The following SLCO1B1 variants were observed in gnomAD, a reference collection of about 807,000 sequenced individuals.
SLCO1B1 encodes the protein solute carrier organic anion transporter family member 1B1.
A neutral mutation model predicts 70.1 loss-of-function variants in SLCO1B1; 81 were observed. That is an observed-to-expected ratio of 1.16 (90% CI 0.97 to 1.39). The LOEUF (loss-of-function observed/expected upper bound fraction) is 1.39. SLCO1B1 is among the 40% of genes most tolerant of loss of function. The pLI is 0.00. For missense variants in SLCO1B1, 895 were observed against 799.6 expected (o/e 1.12, Z -1.44); for synonymous variants, 283 against 271.5 (o/e 1.04, Z -0.42).
intron 7 of SLCO1B1, among the ~76,000 whole-genome samples, chr12:21,192,123 TA>T (rs1285856116): frequency 6.6e-6 from 1 of 152,002 alleles, no homozygotes; most frequent in Non-Finnish European, 1.5e-5. Flanking sequence ...ATGCTGGCCT[TA>T]TAAAATTAGT....
intron 2 of SLCO1B1, among the ~76,000 whole-genome samples, chr12:21,155,895 T>C (rs1940537106): frequency 6.6e-6 from 1 of 152,190 alleles, no homozygotes; most frequent in South Asian, 2.1e-4. Flanking sequence ...GCTCAGCTGC[T>C]CTGATTCAGA....
chr12:21,167,213 T>A (rs1213751437), intron 2 of SLCO1B1, among the ~76,000 whole-genome samples: 1 of 152,214 alleles, frequency 6.6e-6, no homozygotes, highest in African/African-American at 2.4e-5. Context: ...GATTATATCA[T>A]AAGAAATCTT....
intron 7 of SLCO1B1, among the ~76,000 whole-genome samples, chr12:21,184,342 A>AT (rs1189347971): frequency 6.6e-6 from 1 of 152,066 alleles, no homozygotes; most frequent in Non-Finnish European, 1.5e-5. Context: ...ATATTTTAAG[A>AT]TTTTTTTGGG....
intron 10 of SLCO1B1, among the ~76,000 whole-genome samples, chr12:21,203,568 T>A (rs964077310): frequency 3.9e-5 from 6 of 152,086 alleles, no homozygotes; most frequent in Non-Finnish European, 8.8e-5. Flanking sequence ...TTTTAACTTG[T>A]CAAATATTCC....
rs75112265 is a variant in SLCO1B1, at chr12:21,183,998, G to C, written c.727+4978G>C. On this transcript the variant is annotated intron_variant, in intron 7 of 14. Coordinates refer to ENST00000256958, the MANE Select transcript of SLCO1B1 (RefSeq NM_006446.5). Reference sequence around the variant, plus strand: ...ATACCAAAGAGAGAAAAGAATCTCAGAGCTTAAAAACCAGTTTTTATAATC... The same window carrying C: ...ATACCAAAGAGAGAAAAGAATCTCACAGCTTAAAAACCAGTTTTTATAATC... 8.8e-4 allele frequency among the ~76,000 whole-genome samples: 134 copies of C among 151,574 alleles called. 4 individuals are homozygous for C. In the East Asian group the frequency reaches 0.025, roughly 28 times the overall value.
At chr12:21,146,756 C>G (rs1940388361) in intron 2 of SLCO1B1, among the ~76,000 whole-genome samples, 1 of 151,926 alleles carries the variant, frequency 6.6e-6, no homozygotes, top group Non-Finnish European at 1.5e-5. Flanking sequence ...AGTTATCTTT[C>G]TGTTATATTC....
chr12:21,207,197 T>C (rs1016378990), intron 11 of SLCO1B1, among the ~76,000 whole-genome samples: 3 of 151,994 alleles, frequency 2.0e-5, no homozygotes, highest in Non-Finnish European at 4.4e-5. Flanking sequence ...GATGGGTATA[T>C]TGTGATAAGC....
At chr12:21,213,441 G>T (rs913350500) in intron 11 of SLCO1B1, among the ~76,000 whole-genome samples, 13 of 151,284 alleles carry the variant, frequency 8.6e-5, no homozygotes, top group African/African-American at 3.2e-4. Context: ...TCCGCTGTTA[G>T]TCTGATGGGC....
chr12:21,234,352 T>C (rs1298775132), intron 14 of SLCO1B1, among the ~76,000 whole-genome samples: 1 of 152,156 alleles, frequency 6.6e-6, no homozygotes, highest in African/African-American at 2.4e-5. Flanking sequence ...GCTGTTATCC[T>C]CAGGAGCAAT....
At position 21,232,693 on chromosome 12, in the gene SLCO1B1, G is replaced by C. The variant is rs867622650; in HGVS notation, c.1866-6286G>C. On this transcript the variant is annotated intron_variant, in intron 14 of 14. Transcript: ENST00000256958. ...CTATTAATCAGACCACACACACACA[G>C]AGAGAGAGAGAGAGAGACAGAAAGA... Among the ~76,000 whole-genome samples, 89 of 133,806 alleles carry C rather than the reference G, an allele frequency of 6.7e-4. 1 individual carries two copies. The highest frequency in any genetic ancestry group is 7.3e-4 in the Non-Finnish European group (45 of 61,388). The allele number at this position is 133,806 out of a possible 152,430, so 87.8% of individuals were successfully genotyped here.
chr12:21,184,685 C>T (rs974092906), intron 7 of SLCO1B1, among the ~76,000 whole-genome samples: 2 of 152,064 alleles, frequency 1.3e-5, no homozygotes, highest in Admixed American at 1.3e-4. Context: ...AGCCCAGACA[C>T]ATAAAGCAAC....
intron 14 of SLCO1B1, among the ~76,000 whole-genome samples, chr12:21,233,567 C>A (rs1031573292): frequency 1.2e-4 from 14 of 116,614 alleles, no homozygotes; most frequent in Non-Finnish European, 1.4e-4. Context: ...AAAAAACAAA[C>A]AAACAAAAAA....
rs144844767 is a variant in SLCO1B1, at chr12:21,211,140, G to A, written c.1497+5107G>A. On this transcript the variant is annotated intron_variant, in intron 11 of 14. Transcript: ENST00000256958. Reference sequence around the variant, plus strand: ...GAGAGGGCATCCCTGTTTTGTGCCAGTTTTCAAACGGAATGCTTCCAGTTT... The same window carrying A: ...GAGAGGGCATCCCTGTTTTGTGCCAATTTTCAAACGGAATGCTTCCAGTTT... Among the ~76,000 whole-genome samples the A allele has an allele frequency of 3.5e-3, 531 of 152,322 alleles. 4 individuals carry two copies. Among genetic ancestry groups the A allele is most frequent in the African/African-American group, 0.012 (500 of 41,562 alleles).
intron 11 of SLCO1B1, among the ~76,000 whole-genome samples, chr12:21,212,009 C>T (rs1941293139): frequency 6.7e-6 from 1 of 149,744 alleles, no homozygotes; most frequent in Non-Finnish European, 1.5e-5. Context: ...TTTCAAAAAA[C>T]CAGCTCCTGG....
At chr12:21,215,679 T>G (rs778644106) in intron 11 of SLCO1B1, among the ~76,000 whole-genome samples, 1 of 152,132 alleles carries the variant, frequency 6.6e-6, no homozygotes, top group Non-Finnish European at 1.5e-5. Context: ...TGTTGTTGTT[T>G]TTGTGTCTTG....
At chr12:21,174,031 A>G (rs746245594) in intron 3 of SLCO1B1, among the ~76,000 whole-genome samples, 13 of 152,202 alleles carry the variant, frequency 8.5e-5, no homozygotes, top group Non-Finnish European at 1.2e-4. Context: ...TGCTGGGATT[A>G]CAGGTGTGAG....
intron 7 of SLCO1B1, among the ~76,000 whole-genome samples, chr12:21,193,894 T>C (rs28673691): frequency 0.01 from 1,582 of 152,114 alleles, 37 homozygotes; most frequent in South Asian, 0.039. Context: ...AGGTTCACAC[T>C]ATTCTCCTGT....
intron 1 of SLCO1B1, among the ~76,000 whole-genome samples, chr12:21,137,228 T>A (rs1257889420): frequency 1.3e-5 from 2 of 152,284 alleles, no homozygotes; most frequent in Middle Eastern, 3.4e-3. Flanking sequence ...GTGTGAGGTG[T>A]CAGTCCGCCC....
At chr12:21,165,197 G>A (rs1565670771) in intron 2 of SLCO1B1, among the ~76,000 whole-genome samples, 1 of 152,118 alleles carries the variant, frequency 6.6e-6, no homozygotes, top group Non-Finnish European at 1.5e-5. Context: ...GGCAAGTAGA[G>A]ACTTTATTTC....
Sources: allele counts gnomAD v4.1 joint callset (sites outside exome capture counted in the v4.1 genomes callset), GRCh38; gene constraint gnomAD v4.1.1; transcripts MANE v1.5; gene names NCBI Gene and HGNC (gene_info 2026-07-23, HGNC 2026-07-21).